KLHL32: variants seen among roughly 807,000 people sequenced by gnomAD.
KLHL32 encodes kelch like family member 32, also known as kelch-like protein 32.
In KLHL32, 35 loss-of-function variants were observed where a neutral mutation model predicts 64.8. The ratio of observed to expected loss-of-function variants is 0.54; its 90% CI spans 0.41 to 0.72. The LOEUF is 0.72. KLHL32 is among the 30% of genes least tolerant of loss of function. The pLI, the probability that KLHL32 is intolerant of heterozygous loss-of-function variation, is 0.00. For synonymous variants in KLHL32, 259 were observed against 281.0 expected (o/e 0.92, Z 0.78); for missense variants, 589 against 768.5 (o/e 0.77, Z 2.76).
chr6:96,903,862 A>G, the KLHL32 span, among the ~76,000 whole-genome samples: 1 of 152,238 alleles, frequency 6.6e-6, no homozygotes, highest in African/African-American at 2.4e-5. Flanking sequence ...TATCGTATTG[A>G]CCAGCTCACA....
intron 3 of KLHL32, among the ~76,000 whole-genome samples, chr6:96,988,917 A>C (rs937472492): frequency 1.6e-4 from 25 of 151,828 alleles, no homozygotes; most frequent in African/African-American, 5.8e-4. Context: ...GAACACATGG[A>C]GACAGGAAGG....
intron 3 of KLHL32, among the ~76,000 whole-genome samples, chr6:97,010,032 A>G (rs1321718566): frequency 6.7e-6 from 1 of 150,238 alleles, no homozygotes; most frequent in Non-Finnish European, 1.5e-5. Context: ...CCTCACACAG[A>G]GGAAGGCAGA....
chr6:96,982,074 T>A (rs537327925), intron 3 of KLHL32, among the ~76,000 whole-genome samples: 1 of 152,260 alleles, frequency 6.6e-6, no homozygotes, highest in African/African-American at 2.4e-5. Context: ...GCCCATTCAG[T>A]CAAGTGTTGA....
In KLHL32 at chr6:97,031,723, G is replaced by T. The variant is rs139483144; in HGVS notation, c.205-9769G>T. Among the ~76,000 whole-genome samples the T allele has an allele frequency of 2.1e-4, 32 of 152,162 alleles. No individual in the cohort carries two copies. The East Asian group carries it at 5.8e-3, about 28-fold the overall frequency. On this transcript the variant is annotated intron_variant, in intron 3 of 10. Coordinates refer to ENST00000369261, the MANE Select transcript of KLHL32 (RefSeq NM_052904.4). ...GTGGTGGTGATGATTTTTATAATGG[G>T]GTCATTCCATAAAGTAGAAGTCTAG... is the stretch of plus-strand genomic sequence containing the variant.
intron 6 of KLHL32, among the ~76,000 whole-genome samples, chr6:97,097,182 T>C (rs1795103357): frequency 6.6e-6 from 1 of 152,160 alleles, no homozygotes; most frequent in Non-Finnish European, 1.5e-5. Context: ...GGCACGACTG[T>C]TCATTTGCAC....
chr6:97,053,004 G>T (rs1028164647), intron 4 of KLHL32, among the ~76,000 whole-genome samples: 1 of 151,896 alleles, frequency 6.6e-6, no homozygotes, highest in Non-Finnish European at 1.5e-5. Flanking sequence ...CTTGCATTAG[G>T]TTACATTTCT....
chr6:96,917,996 C>A, the KLHL32 span, among the ~76,000 whole-genome samples: 3 of 152,108 alleles, frequency 2.0e-5, no homozygotes, highest in Admixed American at 6.5e-5. Flanking sequence ...CTCTAGATAC[C>A]AATAGCATTC....
At chr6:96,937,239 C>T (rs1273210333) in intron 1 of KLHL32, among the ~76,000 whole-genome samples, 1 of 152,164 alleles carries the variant, frequency 6.6e-6, no homozygotes, top group Admixed American at 6.5e-5. Flanking sequence ...TTCGCCACCC[C>T]CTCTCCATCA....
chr6:96,949,200 G>C (rs927546582), intron 1 of KLHL32, among the ~76,000 whole-genome samples: 1 of 151,916 alleles, frequency 6.6e-6, no homozygotes, highest in Non-Finnish European at 1.5e-5. Context: ...GTTTTAAACT[G>C]TGTCTTCTAA....
chr6:96,986,328 C>T (rs1777059145), intron 3 of KLHL32, among the ~76,000 whole-genome samples: 1 of 152,164 alleles, frequency 6.6e-6, no homozygotes. Context: ...CAGGGACCCA[C>T]TTGAGGAGGC....
At chr6:97,111,943 C>T (rs1797202343) in intron 6 of KLHL32, among the ~76,000 whole-genome samples, 2 of 152,066 alleles carry the variant, frequency 1.3e-5, no homozygotes, top group South Asian at 4.1e-4. Context: ...CAACTATAGT[C>T]TCTGACATTT....
intron 3 of KLHL32, among the ~76,000 whole-genome samples, chr6:97,016,994 C>A (rs1383171247): frequency 1.3e-5 from 2 of 152,184 alleles, no homozygotes; most frequent in African/African-American, 4.8e-5. Flanking sequence ...CCTCCCCAGC[C>A]ATGTGGAACT....
chr6:97,072,929 GC>G (rs1448848841), intron 5 of KLHL32, among the ~76,000 whole-genome samples: 14 of 152,026 alleles, frequency 9.2e-5, no homozygotes, highest in Non-Finnish European at 1.6e-4. Context: ...TAACCTCTTT[GC>G]CCCCCAACTC....
Position 97,089,032 on chromosome 6 carries a change from A to G in KLHL32, c.627+3691A>G, listed in dbSNP as rs145396413. On this transcript the variant is annotated intron_variant, in intron 6 of 10. Transcript: ENST00000369261. ...CTTATACACACTAGCATAGGGAGAA[A>G]GTATGGCTCTCCACCCATCAGTATG... Among the ~76,000 whole-genome samples the G allele has an allele frequency of 9.8e-3, 1,500 of 152,354 alleles. 30 individuals carry two copies. The highest frequency in any genetic ancestry group is 0.035 in the African/African-American group (1,442 of 41,570).
upstream of KLHL32, among the ~76,000 whole-genome samples, chr6:96,923,338 T>A (rs540960854): frequency 6.6e-6 from 1 of 152,334 alleles, no homozygotes; most frequent in Non-Finnish European, 1.5e-5. Context: ...CATATTCGAT[T>A]TTCTGATAGA....
chr6:97,017,906 C>T (rs897485227), intron 3 of KLHL32, among the ~76,000 whole-genome samples: 1 of 152,102 alleles, frequency 6.6e-6, no homozygotes, highest in Admixed American at 6.5e-5. Flanking sequence ...GGAACCTGGG[C>T]CCCAAGTGAT....
At chr6:97,100,929 A>C (rs1414768711) in intron 6 of KLHL32, among the ~76,000 whole-genome samples, 1 of 141,366 alleles carries the variant, frequency 7.1e-6, no homozygotes, top group African/African-American at 2.7e-5. Context: ...CAGACTCCCA[A>C]GTAGCTGGAC....
At chr6:96,920,933 T>C (rs1768735291), upstream of KLHL32, among the ~76,000 whole-genome samples, 1 of 152,208 alleles carries the variant, frequency 6.6e-6, no homozygotes, top group Non-Finnish European at 1.5e-5. Context: ...CCAAAAAGTA[T>C]GAGCTTTTAA....
At chr6:97,035,011 G>A (rs1178285394) in intron 3 of KLHL32, among the ~76,000 whole-genome samples, 2 of 151,832 alleles carry the variant, frequency 1.3e-5, no homozygotes, top group Non-Finnish European at 2.9e-5. Flanking sequence ...ATTGCTCTGG[G>A]TAGGACTTCC....
Sources: allele counts gnomAD v4.1 joint callset (sites outside exome capture counted in the v4.1 genomes callset), GRCh38; gene constraint gnomAD v4.1.1; transcripts MANE v1.5; gene names NCBI Gene and HGNC (gene_info 2026-07-23, HGNC 2026-07-21).